Variants in ARHGEF19 observed in about 807,000 individuals in gnomAD.
ARHGEF19 encodes the protein Rho guanine nucleotide exchange factor (GEF) 19.
A neutral mutation model predicts 87.6 loss-of-function variants in ARHGEF19; 92 were observed. The observed-to-expected ratio is 1.05, with a 90% confidence interval of 0.89 to 1.25. The LOEUF (loss-of-function observed/expected upper bound fraction) is 1.25. ARHGEF19 is among the 50% of genes most tolerant of loss of function. ARHGEF19 has a pLI of 0.00. For synonymous variants in ARHGEF19, 438 were observed against 446.2 expected, an observed-to-expected ratio of 0.98 and a Z score of 0.23; for missense variants, 1,054 against 1,051.8, an observed-to-expected ratio of 1.00 and a Z score of -0.03.
At position 16,205,131 on chromosome 1, in the gene ARHGEF19, C is replaced by G. The variant is rs1429359528; in HGVS notation, c.1702G>C (p.Glu568Gln). The change falls in exon 11 of 16, where the codon GAG becomes CAG. Residue 568 changes from glutamate to glutamine, a missense_variant. By Grantham distance (29) the Glu-to-Gln change is conservative (BLOSUM62 2). Transcript: ENST00000270747. This position sits in a 1 kb window ranked among gnomAD's most constrained non-coding sequence, Gnocchi z 5.8. ...NASVQSMKRTEELIHLSKKIH... is the reference protein window; with the variant it reads ...NASVQSMKRTQELIHLSKKIH... The stretch of plus-strand genomic sequence containing the variant: ...TTCTTGCTCAGGTGGATGAGTTCCT[C>G]TGTCCTCTTCATGGACTGTACACTA... 2.5e-6 allele frequency: 4 copies of G among 1,605,944 alleles called. 1 individual carries two copies. In the South Asian group the frequency reaches 4.5e-5, roughly 18 times the overall value.
In ARHGEF19 at chr1:16,207,466, C is replaced by G; in HGVS notation, c.874+56G>C. The G allele has an allele frequency of 1.3e-6, 2 of 1,599,156 alleles. No homozygotes were observed. Among genetic ancestry groups the G allele is most frequent in the Non-Finnish European group, 1.7e-6 (2 of 1,168,846 alleles). ...TCTCCAAACCCTCTTTTCCCCGTTT[C>G]CACACCGCAGCCCCTTCCTCCGTTA... On this transcript the variant is annotated intron_variant, in intron 5 of 15. Transcript: ENST00000270747. This position sits in a 1 kb window ranked among gnomAD's most constrained non-coding sequence, Gnocchi z 4.0.
intron 12 of ARHGEF19, among the ~76,000 whole-genome samples, chr1:16,203,354 A>G (rs1490380108): frequency 2.6e-5 from 4 of 151,772 alleles, no homozygotes; most frequent in Non-Finnish European, 4.4e-5. Context: ...TTCCCTTTCC[A>G]TCCCCCCTAC....
Position 16,207,882 on chromosome 1 carries a change from C to CGGCCG in ARHGEF19, c.694+61_694+62insCGGCC. The CGGCCG allele has an allele frequency of 6.8e-7, 1 of 1,478,784 alleles. No homozygotes were observed. The highest frequency in any genetic ancestry group is 1.4e-5 in the African/African-American group (1 of 71,660). The allele number at this position is 1,478,784 out of a possible 1,614,324, so 91.6% of individuals were successfully genotyped here. Reference sequence around the variant, plus strand: ...CCTCAGGCGGCCGGTGAGTGGGCATCGCCCACCCCCACCCCCACCCGGCAT... The same window carrying CGGCCG: ...CCTCAGGCGGCCGGTGAGTGGGCATCGGCCGGCCCACCCCCACCCCCACCCGGCAT... On this transcript the variant is annotated intron_variant, in intron 3 of 15. Transcript: ENST00000270747. The surrounding 1 kb of genome is among the most constrained non-coding windows in gnomAD (Gnocchi z 4.0).
chr1:16,198,486 A>G lies in ARHGEF19; in HGVS notation c.*101T>C. ...CTCAATGCCAAGGCCACAGAAGCGA[A>G]GTGCCAGCAGGAGCAGCTTGGGGAA... On this transcript the variant is annotated 3_prime_UTR_variant, in exon 16 of 16. Coordinates refer to ENST00000270747, the MANE Select transcript of ARHGEF19 (RefSeq NM_153213.5). The surrounding 1 kb of genome is among the most constrained non-coding windows in gnomAD (Gnocchi z 4.1). 1 of 1,418,582 alleles carries G rather than the reference A, an allele frequency of 7.0e-7. No individual in the cohort carries two copies. Among genetic ancestry groups the G allele is most frequent in the African/African-American group, 1.4e-5 (1 of 69,788 alleles). The allele number at this position is 1,418,582 out of a possible 1,614,324, so 87.9% of individuals were successfully genotyped here.
At position 16,208,194 on chromosome 1, in the gene ARHGEF19, C is replaced by T. The variant is rs1176181081; in HGVS notation, c.444G>A (p.Glu148=). 8.1e-6 allele frequency: 13 copies of T among 1,613,268 alleles called. No individual in the cohort carries two copies. The highest frequency in any genetic ancestry group is 1.1e-5 in the Non-Finnish European group (13 of 1,179,624). ...WRKMRVYQRE[E]VPGCPEAHAV... is the part of the protein sequence containing the mutation. ...CGTGGGCCTCGGGGCAGCCGGGGAC[C>T]TCTTCACGCTGGTACACCCGCATCT... The change falls in exon 3 of 16, where the codon GAG becomes GAA. Residue 148 remains glutamate (E), a synonymous_variant. Transcript: ENST00000270747.
chr1:16,202,638 G>C, intron 12 of ARHGEF19, 64 bp from the exon 13 acceptor site: 2 of 1,568,642 alleles, frequency 1.3e-6, no homozygotes, highest in South Asian at 2.4e-5. Context: ...CCCACCCTCG[G>C]GATCAGGTGG....
At chr1:16,200,003 G>A (rs369625335) in intron 14 of ARHGEF19, among the ~76,000 whole-genome samples, 15 of 152,176 alleles carry the variant, frequency 9.9e-5, no homozygotes, top group Admixed American at 3.9e-4. Context: ...AGATCTTTTC[G>A]TGACAACCTC....
rs780287101 is a variant in ARHGEF19, at chr1:16,205,881, G to A, written c.1451+50C>T. 7.7e-6 allele frequency: 12 copies of A among 1,560,970 alleles called. No homozygotes were observed. The highest frequency in any genetic ancestry group is 1.0e-5 in the Non-Finnish European group (12 of 1,152,300). On this transcript the variant is annotated intron_variant, in intron 8 of 15. Transcript: ENST00000270747. This position sits in a 1 kb window ranked among gnomAD's most constrained non-coding sequence, Gnocchi z 5.8. Reference sequence around the variant, plus strand: ...CACCCAGCCCTCAGTGCCTACACCTGCCTGAGACTCCCTCCACGCCCCCGC... The same window carrying A: ...CACCCAGCCCTCAGTGCCTACACCTACCTGAGACTCCCTCCACGCCCCCGC...
In ARHGEF19 at chr1:16,205,056, G is replaced by A. The variant is rs1170660271; in HGVS notation, c.1746+31C>T. The A allele has an allele frequency of 6.3e-7, 1 of 1,578,302 alleles. No homozygotes were observed. Among genetic ancestry groups the A allele is most frequent in the Non-Finnish European group, 8.6e-7 (1 of 1,161,752 alleles). ...GGAAGAAACAAGAGCTGCCCCTTGG[G>A]GTCCCCATCCCGCTGGCTGCAGACA... On this transcript the variant is annotated intron_variant, in intron 11 of 15. Transcript: ENST00000270747. The surrounding 1 kb of genome is among the most constrained non-coding windows in gnomAD (Gnocchi z 5.8).
chr1:16,198,792 C>A lies in ARHGEF19; in HGVS notation c.2252-48G>T. 1 of 1,546,510 alleles carries A rather than the reference C, an allele frequency of 6.5e-7. No homozygotes were observed. Among genetic ancestry groups the A allele is most frequent in the Non-Finnish European group, 8.7e-7 (1 of 1,143,834 alleles). On this transcript the variant is annotated intron_variant, in intron 15 of 15. Transcript: ENST00000270747. The surrounding 1 kb of genome is among the most constrained non-coding windows in gnomAD (Gnocchi z 4.1). Reference sequence around the variant, plus strand: ...CAACAGCATCAAAGGGGTACCAGGGCCAGGCCTGGAAGGGAACACCACAGC... The same window carrying A: ...CAACAGCATCAAAGGGGTACCAGGGACAGGCCTGGAAGGGAACACCACAGC...
chr1:16,203,579 C>T (rs2081100852), intron 12 of ARHGEF19, among the ~76,000 whole-genome samples: 1 of 152,168 alleles, frequency 6.6e-6, no homozygotes, highest in Admixed American at 6.5e-5. Flanking sequence ...CAGAAAAAGT[C>T]CAACCTCTCT....
Position 16,206,427 on chromosome 1 carries a change from ACACC to A in ARHGEF19, c.1138-91_1138-88del. The A allele has an allele frequency of 3.5e-6, 5 of 1,447,558 alleles. No homozygotes were observed. Among genetic ancestry groups the A allele is most frequent in the Non-Finnish European group, 4.7e-6 (5 of 1,054,624 alleles). The allele number at this position is 1,447,558 out of a possible 1,614,324, so 89.7% of individuals were successfully genotyped here. A position where few individuals can be genotyped will look rare whatever the true frequency, so the allele number is the denominator to read the frequency against. On this transcript the variant is annotated intron_variant, in intron 6 of 15. Coordinates refer to ENST00000270747, the MANE Select transcript of ARHGEF19 (RefSeq NM_153213.5). The surrounding 1 kb of genome is among the most constrained non-coding windows in gnomAD (Gnocchi z 4.6). ...TCACATCCCCAGACCCCAGGACGCC[ACACC>A]TCGCGTCCTCGCCCCTTCTCTAGCC... is the stretch of plus-strand genomic sequence containing the variant.
At position 16,198,781 on chromosome 1, in the gene ARHGEF19, G is replaced by T; in HGVS notation, c.2252-37C>A. ...TAGGCCAAGAACAACAGCATCAAAG[G>T]GGTACCAGGGCCAGGCCTGGAAGGG... On this transcript the variant is annotated intron_variant, in intron 15 of 15. Transcript: ENST00000270747. This position sits in a 1 kb window ranked among gnomAD's most constrained non-coding sequence, Gnocchi z 4.1. 6.4e-7 allele frequency: 1 copy of T among 1,558,406 alleles called. No individual in the cohort carries two copies. The highest frequency in any genetic ancestry group is 1.2e-5 in the South Asian group (1 of 84,328).
rs187111356 is a variant in ARHGEF19 at position 16,203,746 on chromosome 1, A to C, written c.1907+1013T>G. On this transcript the variant is annotated intron_variant, in intron 12 of 15. Coordinates refer to ENST00000270747, the MANE Select transcript of ARHGEF19 (RefSeq NM_153213.5). ...CTCAAACTACCTGTCTACCTGGAAA[A>C]CTCCTACTCATCCTTCAAAACCCAG... Among the ~76,000 whole-genome samples the C allele has an allele frequency of 9.9e-5, 15 of 151,494 alleles. No homozygotes were observed. In the East Asian group the frequency reaches 2.7e-3, roughly 28 times the overall value.
Position 16,206,444 on chromosome 1 carries a change from C to A in ARHGEF19, c.1138-104G>T, listed in dbSNP as rs1251703166. On this transcript the variant is annotated intron_variant, in intron 6 of 15. Coordinates refer to ENST00000270747, the MANE Select transcript of ARHGEF19 (RefSeq NM_153213.5). The surrounding 1 kb of genome is among the most constrained non-coding windows in gnomAD (Gnocchi z 4.6). ...AGGACGCCACACCTCGCGTCCTCGC[C>A]CCTTCTCTAGCCCCACTCCTAATCT... 1.2e-5 allele frequency: 16 copies of A among 1,313,836 alleles called. No individual in the cohort carries two copies. The highest frequency in any genetic ancestry group is 1.7e-5 in the Non-Finnish European group (16 of 933,884). 81.4% of individuals were successfully genotyped at this position (1,313,836 alleles called of 1,614,324 possible).
rs1171572715 is a variant in ARHGEF19, at chr1:16,206,513, T to C, written c.1138-173A>G. The C allele has an allele frequency of 1.4e-6, 1 of 691,766 alleles. No individual in the cohort carries two copies. Among genetic ancestry groups the C allele is most frequent in the Non-Finnish European group, 2.5e-6 (1 of 404,556 alleles). 42.9% of individuals were successfully genotyped at this position (691,766 alleles called of 1,614,324 possible). On this transcript the variant is annotated intron_variant, in intron 6 of 15. Coordinates refer to ENST00000270747, the MANE Select transcript of ARHGEF19 (RefSeq NM_153213.5). The surrounding 1 kb of genome is among the most constrained non-coding windows in gnomAD (Gnocchi z 4.6). ...CGACCCACGTCCCGCCGCGGGAAAT[T>C]GTGCAAGCCTTTCCTGTCCTCGATC...
Position 16,206,574 on chromosome 1 carries a change from T to G in ARHGEF19, c.1138-234A>C. 3 of 532,148 alleles carry G rather than the reference T, an allele frequency of 5.6e-6. No homozygotes were observed. The highest frequency in any genetic ancestry group is 3.2e-5 in the East Asian group (1 of 31,500). 33.0% of individuals were successfully genotyped at this position (532,148 alleles called of 1,614,324 possible). A position where few individuals can be genotyped will look rare whatever the true frequency, so the allele number is the denominator to read the frequency against. ...CCTAAGCCCCGCCCCGACGCGTTCT[T>G]CCCAGAGCCCCGCCCACCCCCCAGG... On this transcript the variant is annotated intron_variant, in intron 6 of 15. Coordinates refer to ENST00000270747, the MANE Select transcript of ARHGEF19 (RefSeq NM_153213.5). The surrounding 1 kb of genome is among the most constrained non-coding windows in gnomAD (Gnocchi z 4.6).
At chr1:16,199,531 C>T (rs1205199372) in intron 14 of ARHGEF19, among the ~76,000 whole-genome samples, 1 of 152,102 alleles carries the variant, frequency 6.6e-6, no homozygotes, top group Non-Finnish European at 1.5e-5. Flanking sequence ...GGGCTGTCCC[C>T]TCCCCAGCTC....
chr1:16,199,259 C>A lies in ARHGEF19; in HGVS notation c.2147-5G>T, dbSNP rs1191572983. The A allele has an allele frequency of 1.2e-6, 2 of 1,613,672 alleles. No homozygotes were observed. Among genetic ancestry groups the A allele is most frequent in the Non-Finnish European group, 1.7e-6 (2 of 1,179,822 alleles). ...CACACTGAACCTGGGGGCAATCTGA[C>A]AGCCCAAGGGAGGCTCAGGGAGTCC... On this transcript the variant is annotated splice_polypyrimidine_tract_variant and splice_region_variant and intron_variant, in intron 14 of 15. Transcript: ENST00000270747.
Sources: gnomAD v4.1 joint callset for allele counts (sites outside exome capture counted in the v4.1 genomes callset) on GRCh38, gnomAD v4.1.1 for gene constraint, Gnocchi (gnomAD v3.1) non-coding constraint, MANE v1.5 for transcripts, NCBI Gene and HGNC (gene_info 2026-07-23, HGNC 2026-07-21) for gene names.